The following VAMP7 variants were observed in gnomAD, a reference collection of about 807,000 sequenced individuals.
VAMP7 encodes vesicle-associated membrane protein 7.
Under a neutral mutation model 29.6 loss-of-function variants are expected in VAMP7, and 14 were observed. That is an observed-to-expected ratio of 0.47 (90% confidence interval 0.31 to 0.74). The LOEUF (loss-of-function observed/expected upper bound fraction) is 0.74, where lower values mean the gene tolerates loss of function less well. VAMP7 is among the 30% of genes least tolerant of loss of function. The probability of loss-of-function intolerance (pLI) is 0.05; values close to 1 mark genes in which losing one functional copy is unlikely to be tolerated. For synonymous variants in VAMP7, 95 were observed against 88.1 expected, an observed-to-expected ratio of 1.08 and a Z score of -0.44; for missense variants, 223 against 262.4, an observed-to-expected ratio of 0.85 and a Z score of 1.04.
chrX:155,887,600 AG>A (rs1254044092), intron 1 of VAMP7, among the ~76,000 whole-genome samples: 7 of 152,134 alleles, frequency 4.6e-5, no homozygotes, highest in Admixed American at 2.0e-4. Flanking sequence ...GAAAGGAGGC[AG>A]AGGAGCAGAG....
intron 5 of VAMP7, among the ~76,000 whole-genome samples, chrX:155,917,178 AGTTCTCGT>A (rs2066325345): frequency 1.3e-5 from 2 of 152,114 alleles, no homozygotes; most frequent in Admixed American, 1.3e-4. Context: ...TGCTTCACAA[AGTTCTCGT>A]GCCGTGTTTT....
intron 2 of VAMP7, among the ~76,000 whole-genome samples, chrX:155,891,489 G>A (rs2065925091): frequency 6.6e-6 from 1 of 152,116 alleles, no homozygotes; most frequent in African/African-American, 2.4e-5. Context: ...TAAGTCATAT[G>A]TTTTCCCTGC....
At chrX:155,931,773 G>T (rs1223644886) in intron 6 of VAMP7, among the ~76,000 whole-genome samples, 2 of 152,124 alleles carry the variant, frequency 1.3e-5, no homozygotes, top group Non-Finnish European at 2.9e-5. Flanking sequence ...TAGATATGAA[G>T]TCCATGCCCA....
chrX:155,942,149 T>G lies in VAMP7; in HGVS notation c.*198T>G. Reference sequence around the variant, plus strand: ...CAGTTTATTCCTGTGAACTTCAGATTGAACCATTCATTGCAGCAGTAGCCT... The same window carrying G: ...CAGTTTATTCCTGTGAACTTCAGATGGAACCATTCATTGCAGCAGTAGCCT... On this transcript the variant is annotated 3_prime_UTR_variant, in exon 8 of 8. Coordinates refer to ENST00000286448, the MANE Select transcript of VAMP7 (RefSeq NM_005638.6). The G allele has an allele frequency of 6.4e-7, 1 of 1,550,790 alleles. No homozygotes were observed. Among genetic ancestry groups the G allele is most frequent in the East Asian group, 2.4e-5 (1 of 40,898 alleles).
chrX:155,922,323 A>G (rs1030258034), intron 6 of VAMP7, among the ~76,000 whole-genome samples: 1 of 151,988 alleles, frequency 6.6e-6, no homozygotes, highest in Non-Finnish European at 1.5e-5. Context: ...GAAAAATTCA[A>G]TACTTTTTGA....
chrX:155,908,976 C>G (rs1478598474), intron 5 of VAMP7, among the ~76,000 whole-genome samples: 3 of 151,998 alleles, frequency 2.0e-5, no homozygotes, highest in Admixed American at 6.6e-5. Flanking sequence ...TGTGCCACCA[C>G]ACCTGGCTAA....
chrX:155,894,191 A>C (rs970561730), intron 2 of VAMP7, among the ~76,000 whole-genome samples: 1 of 150,212 alleles, frequency 6.7e-6, no homozygotes, highest in African/African-American at 2.5e-5. Flanking sequence ...TTTATTACCC[A>C]TTCTACTTTA....
At chrX:155,937,704 T>C (rs1299463704) in intron 6 of VAMP7, among the ~76,000 whole-genome samples, 1 of 152,160 alleles carries the variant, frequency 6.6e-6, no homozygotes, top group African/African-American at 2.4e-5. Flanking sequence ...AAGTCTGTCT[T>C]ATTTGGGGGA....
At position 155,938,821 on chromosome X, in the gene VAMP7, AAAT is replaced by A. The variant is rs1472614975; in HGVS notation, c.502-874_502-872del. Among the ~76,000 whole-genome samples, 8 of 152,190 alleles carry A rather than the reference AAAT, an allele frequency of 5.3e-5. No individual in the cohort carries two copies. In the South Asian group the frequency reaches 1.5e-3, roughly 28 times the overall value. On this transcript the variant is annotated intron_variant, in intron 6 of 7. Coordinates refer to ENST00000286448, the MANE Select transcript of VAMP7 (RefSeq NM_005638.6). ...ACAGAGCAAGACCCTGTCTCAAGAT[AAAT>A]AATAAAATATAGCAGGTATTCTGTT... is the stretch of plus-strand genomic sequence containing the variant.
At chrX:155,905,036 AT>A (rs2066128648) in intron 5 of VAMP7, among the ~76,000 whole-genome samples, 1 of 151,740 alleles carries the variant, frequency 6.6e-6, no homozygotes, top group African/African-American at 2.4e-5. Flanking sequence ...ACCTTTATAC[AT>A]TCCTAATAGC....
intron 5 of VAMP7, among the ~76,000 whole-genome samples, chrX:155,916,760 C>T (rs2066319598): frequency 1.3e-5 from 2 of 152,084 alleles, no homozygotes; most frequent in South Asian, 2.1e-4. Context: ...TGTGGGTAGC[C>T]TGACCTTTCT....
chrX:155,936,375 T>C (rs926475931), intron 6 of VAMP7, among the ~76,000 whole-genome samples: 2 of 152,218 alleles, frequency 1.3e-5, no homozygotes, highest in African/African-American at 4.8e-5. Flanking sequence ...CAGCTTTGTT[T>C]ACCTACTCAA....
In VAMP7 at chrX:155,936,085, C is replaced by T. The variant is rs867658080; in HGVS notation, c.502-3616C>T. On this transcript the variant is annotated intron_variant, in intron 6 of 7. Transcript: ENST00000286448. ...GGTTTTGTCTCAGAGGGGTACCCGCCGTGTGAGGTGTCAGTCTGCCTCTAC... is the reference window on the plus strand; with the variant it reads ...GGTTTTGTCTCAGAGGGGTACCCGCTGTGTGAGGTGTCAGTCTGCCTCTAC... Among the ~76,000 whole-genome samples, 285 of 152,138 alleles carry T rather than the reference C, an allele frequency of 1.9e-3. 1 individual carries two copies. The highest frequency in any genetic ancestry group is 6.7e-3 in the African/African-American group (278 of 41,514).
intron 6 of VAMP7, among the ~76,000 whole-genome samples, chrX:155,928,649 C>G (rs188958007): frequency 9.0e-4 from 137 of 152,316 alleles, no homozygotes; most frequent in African/African-American, 2.9e-3. Context: ...CTCTCTTCAT[C>G]TCAAGATTCT....
intron 7 of VAMP7, among the ~76,000 whole-genome samples, chrX:155,941,668 G>A (rs1052649480): frequency 5.3e-5 from 8 of 152,036 alleles, no homozygotes; most frequent in Non-Finnish European, 7.4e-5. Context: ...TGAAGGAAAC[G>A]CTAGAGTTCA....
At chrX:155,883,014 A>T (rs1224037524) in intron 1 of VAMP7, among the ~76,000 whole-genome samples, 2 of 152,208 alleles carry the variant, frequency 1.3e-5, no homozygotes, top group South Asian at 2.1e-4. Context: ...GGACATTCTT[A>T]GATTATTCAC....
chrX:155,930,505 A>T (rs1336178260), intron 6 of VAMP7, among the ~76,000 whole-genome samples: 1 of 149,734 alleles, frequency 6.7e-6, no homozygotes, highest in Non-Finnish European at 1.5e-5. Flanking sequence ...AAAAAAAAAA[A>T]TAGGTGTGAT....
At chrX:155,913,686 T>C (rs1219098432) in intron 5 of VAMP7, among the ~76,000 whole-genome samples, 1 of 152,156 alleles carries the variant, frequency 6.6e-6, no homozygotes, top group Non-Finnish European at 1.5e-5. Context: ...TGGTTGTAGA[T>C]GTGTAGCGTT....
intron 1 of VAMP7, among the ~76,000 whole-genome samples, chrX:155,885,115 T>TA (rs1431004712): frequency 1.3e-5 from 2 of 152,218 alleles, no homozygotes; most frequent in East Asian, 3.8e-4. Flanking sequence ...ATTCCTCTAT[T>TA]AAAAAACTGC....
Sources: gnomAD v4.1 joint callset for allele counts (sites outside exome capture counted in the v4.1 genomes callset) on GRCh38, gnomAD v4.1.1 for gene constraint, MANE v1.5 for transcripts, NCBI Gene and HGNC (gene_info 2026-07-23, HGNC 2026-07-21) for gene names.